The following GGA2 variants were observed in gnomAD, a reference collection of about 807,000 sequenced individuals.
GGA2 encodes the protein golgi associated, gamma adaptin ear containing, ARF binding protein 2, also known as ADP-ribosylation factor-binding protein GGA2.
A neutral mutation model predicts 79.5 loss-of-function variants in GGA2; 48 were observed. That is an observed-to-expected ratio of 0.60 (90% CI 0.48 to 0.77). The LOEUF (loss-of-function observed/expected upper bound fraction) is 0.77, where lower values mean the gene tolerates loss of function less well. Among genes scored for constraint, GGA2 ranks in the 30% least tolerant of loss-of-function variants. GGA2 has a pLI of 0.00. For missense variants in GGA2, 770 were observed against 774.0 expected (o/e 0.99, Z 0.06); for synonymous variants, 317 against 302.0 (o/e 1.05, Z -0.51).
chr16:23,470,020 G>A lies in GGA2; in HGVS notation c.1596C>T (p.Ile532=), dbSNP rs200357653. The A allele has an allele frequency of 5.6e-5, 88 of 1,569,246 alleles. No individual in the cohort carries two copies. Among genetic ancestry groups the A allele is most frequent in the African/African-American group, 8.2e-5 (6 of 73,200 alleles). ...MSTAPQPVWD[I]MFQVAVPKSM... is the part of the protein sequence containing the mutation. ...CCTTTGGCACAGCCACTTGAAACAT[G>A]ATATCCCAGACAGGCTGGGGAGCCG... Residue 532 remains isoleucine (I), a synonymous_variant, in exon 15 of 17, where the codon ATC becomes ATT. Coordinates refer to ENST00000309859, the MANE Select transcript of GGA2 (RefSeq NM_015044.4).
At chr16:23,510,732 G>A (rs1214048957), upstream of GGA2, among the ~76,000 whole-genome samples, 1 of 152,210 alleles carries the variant, frequency 6.6e-6, no homozygotes, top group Non-Finnish European at 1.5e-5. Context: ...TAAGAGACGG[G>A]GTCTTGCTCT....
upstream of GGA2, among the ~76,000 whole-genome samples, chr16:23,513,783 CAAAAA>C (rs754377361): frequency 2.1e-5 from 1 of 47,166 alleles, no homozygotes. Flanking sequence ...GACTCTGTCT[CAAAAA>C]AAAAAAAAAA....
chr16:23,511,905 CGG>C (rs1965069211), upstream of GGA2, among the ~76,000 whole-genome samples: 1 of 152,058 alleles, frequency 6.6e-6, no homozygotes, highest in South Asian at 2.1e-4. Flanking sequence ...GCTTTTCGAC[CGG>C]GGTGAGAGCT....
At chr16:23,490,533 G>A (rs1162794553) in intron 5 of GGA2, among the ~76,000 whole-genome samples, 1 of 152,088 alleles carries the variant, frequency 6.6e-6, no homozygotes, top group African/African-American at 2.4e-5. Flanking sequence ...TTGGGAGTTT[G>A]AGACCAGCCT....
intron 10 of GGA2, 69 bp downstream of exon 10, chr16:23,480,576 C>G: frequency 7.4e-7 from 1 of 1,350,910 alleles, no homozygotes; most frequent in Non-Finnish European, 1.0e-6. Flanking sequence ...ATGTTTAGGA[C>G]CCATTTCTTT....
upstream of GGA2, chr16:23,524,255 T>G: frequency 2.4e-6 from 2 of 839,744 alleles, no homozygotes; most frequent in South Asian, 1.4e-5. Context: ...TTGTTTCCAC[T>G]CTTAGTTCCT....
At position 23,466,015 on chromosome 16, in the gene GGA2, T is replaced by C. The variant is rs147049578; in HGVS notation, c.*1575A>G. The C allele has an allele frequency of 1.3e-5, 2 of 152,548 alleles. No homozygotes were observed. Among genetic ancestry groups the C allele is most frequent in the African/African-American group, 2.4e-5 (1 of 41,582 alleles). The allele number at this position is 152,548 out of a possible 1,614,324, so 9.4% of individuals were successfully genotyped here. ...ATTAAAATTCGTCTTATGTGAATTA[T>C]GGCAAATGAAATCACCCCACTGTTT... On this transcript the variant is annotated 3_prime_UTR_variant, in exon 17 of 17. Coordinates refer to ENST00000309859, the MANE Select transcript of GGA2 (RefSeq NM_015044.4).
Position 23,517,235 on chromosome 16 carries a change from T to TGAATCTGGG in GGA2, c.61+2351_61+2352insCCCAGATTC, listed in dbSNP as rs1451460600. 4.8e-3 allele frequency among the ~76,000 whole-genome samples: 181 copies of TGAATCTGGG among 37,760 alleles called. 1 individual carries two copies. The highest frequency in any genetic ancestry group is 0.02 in the Middle Eastern group (1 of 50). The allele number at this position is 37,760 out of a possible 152,430, so 24.8% of individuals were successfully genotyped here. A position where few individuals can be genotyped will look rare whatever the true frequency, so the allele number is the denominator to read the frequency against. ...CCATGCCCAGCTAATTTTTTTCTTT[T>TGAATCTGGG]TTTTTTTTTTTTGAGACGGAGTCTC... On this transcript the variant is annotated intron_variant, in intron 2 of 5. Transcript: ENST00000569300.
intron 1 of GGA2, chr16:23,500,782 C>G (rs553896794): frequency 6.0e-6 from 1 of 166,076 alleles, no homozygotes; most frequent in Non-Finnish European, 1.3e-5. Flanking sequence ...TTTAGGAGCC[C>G]GCAAGGGCCA....
In GGA2 at chr16:23,464,630, C is replaced by T. The variant is rs1175390678; in HGVS notation, c.*2960G>A. 1 of 151,688 alleles carries T rather than the reference C, an allele frequency of 6.6e-6. No individual in the cohort carries two copies. The highest frequency in any genetic ancestry group is 2.4e-5 in the African/African-American group (1 of 41,190). The allele number at this position is 151,688 out of a possible 1,614,324, so 9.4% of individuals were successfully genotyped here. ...ACATGATGTGGGATTATTTAGAAAA[C>T]AGGCCAAATGACATGCAACTACTCT... On this transcript the variant is annotated 3_prime_UTR_variant, in exon 17 of 17. Coordinates refer to ENST00000309859, the MANE Select transcript of GGA2 (RefSeq NM_015044.4).
chr16:23,481,887 A>AT (rs112980836), intron 9 of GGA2, among the ~76,000 whole-genome samples: 49 of 148,698 alleles, frequency 3.3e-4, no homozygotes, highest in Admixed American at 4.0e-4. Flanking sequence ...ATTTAGAACA[A>AT]TTTTTTTTTT....
At position 23,470,134 on chromosome 16, in the gene GGA2, C is replaced by G; in HGVS notation, c.1482G>C (p.Arg494=). The G allele has an allele frequency of 2.5e-6, 4 of 1,608,074 alleles. No homozygotes were observed. The highest frequency in any genetic ancestry group is 3.4e-6 in the Non-Finnish European group (4 of 1,177,568). ...AGTGGAGCAGAATTCTGAATCCATT[C>G]CGGTCATACACAATGAGAGGCGGCA... is the stretch of plus-strand genomic sequence containing the variant. ...SSLPPLIVYD[R]NGFRILLHFS... Residue 494 remains arginine (R), a synonymous_variant, in exon 15 of 17, where the codon CGG becomes CGC. Transcript: ENST00000309859.
upstream of GGA2, chr16:23,523,345 G>A (rs1051212183): frequency 2.0e-5 from 3 of 152,190 alleles, no homozygotes; most frequent in African/African-American, 7.2e-5. Context: ...GAGGAAGGAC[G>A]AGGTGGATTT....
intron 9 of GGA2, among the ~76,000 whole-genome samples, chr16:23,482,716 G>C (rs1162416145): frequency 6.6e-6 from 1 of 152,138 alleles, no homozygotes; most frequent in Non-Finnish European, 1.5e-5. Context: ...TTCTTTTCAG[G>C]CTTTAGACCT....
At chr16:23,513,126 G>A (rs900824533), upstream of GGA2, among the ~76,000 whole-genome samples, 1 of 152,102 alleles carries the variant, frequency 6.6e-6, no homozygotes, top group East Asian at 1.9e-4. Flanking sequence ...TGCTACAGGG[G>A]GCATGAGCTC....
At chr16:23,475,664 G>C (rs1480857548) in intron 13 of GGA2, among the ~76,000 whole-genome samples, 1 of 151,384 alleles carries the variant, frequency 6.6e-6, no homozygotes, top group East Asian at 2.0e-4. Context: ...AGCATTTTGG[G>C]AGGCCGAGGC....
chr16:23,464,095 T>A lies in GGA2; in HGVS notation c.*3495A>T, dbSNP rs1964405420. 1 of 152,244 alleles carries A rather than the reference T, an allele frequency of 6.6e-6. No homozygotes were observed. Among genetic ancestry groups the A allele is most frequent in the South Asian group, 2.1e-4 (1 of 4,836 alleles). 9.4% of individuals were successfully genotyped at this position (152,244 alleles called of 1,614,324 possible). On this transcript the variant is annotated 3_prime_UTR_variant, in exon 17 of 17. Coordinates refer to ENST00000309859, the MANE Select transcript of GGA2 (RefSeq NM_015044.4). ...CTATTTGTATTCTAGAATATTGCCC[T>A]TGCTTTCTAGCTTTAACATTTTCTG...
chr16:23,488,572 T>C (rs1329485032), intron 6 of GGA2, 34 bp downstream of exon 6: 2 of 1,210,954 alleles, frequency 1.7e-6, no homozygotes, highest in Non-Finnish European at 2.5e-6. Flanking sequence ...AGAGAAAAGG[T>C]CTGATCAGAC....
chr16:23,473,330 CTTTTTTTTTTTTTTTT>C (rs34972165), intron 14 of GGA2, among the ~76,000 whole-genome samples: 3 of 70,672 alleles, frequency 4.2e-5, no homozygotes, highest in Non-Finnish European at 7.2e-5. Flanking sequence ...CTTTTCTAGT[CTTTTTTTTTTTTTTTT>C]TTTTTTTTTT....
Sources: gnomAD v4.1 joint callset for allele counts (sites outside exome capture counted in the v4.1 genomes callset) on GRCh38, gnomAD v4.1.1 for gene constraint, MANE v1.5 for transcripts, NCBI Gene and HGNC (gene_info 2026-07-23, HGNC 2026-07-21) for gene names.